RIPOR1: variants seen among roughly 807,000 people sequenced by gnomAD.
RIPOR1 encodes the protein rho family-interacting cell polarization regulator 1.
In RIPOR1, 58 loss-of-function variants were observed where a neutral mutation model predicts 116.5. The ratio of observed to expected loss-of-function variants is 0.50; its 90% CI spans 0.40 to 0.62. The LOEUF (loss-of-function observed/expected upper bound fraction) is 0.62, where lower values mean the gene tolerates loss of function less well. Ranked by LOEUF, RIPOR1 falls within the 20% of genes least tolerant of loss-of-function variation. The pLI, the probability that RIPOR1 is intolerant of heterozygous loss-of-function variation, is 0.00. For synonymous variants in RIPOR1, 605 were observed against 650.0 expected, an observed-to-expected ratio of 0.93 and a Z score of 1.05; for missense variants, 1,372 against 1,586.2, an observed-to-expected ratio of 0.86 and a Z score of 2.29.
At position 67,541,099 on chromosome 16, in the gene RIPOR1, T is replaced by C. The variant is rs1597646141; in HGVS notation, c.802-331T>C. The stretch of plus-strand genomic sequence containing the variant: ...CTATCTAGGAGTTGGCGGGTCTCAC[T>C]CTGTCACCCAGGTTGGAGTGCAGCA... On this transcript the variant is annotated intron_variant, in intron 10 of 21. Coordinates refer to ENST00000042381, the MANE Select transcript of RIPOR1 (RefSeq NM_024519.4). The surrounding 1 kb of genome is among the most constrained non-coding windows in gnomAD (Gnocchi z 4.6). 6.6e-6 allele frequency among the ~76,000 whole-genome samples: 1 copy of C among 152,108 alleles called. No homozygotes were observed. Among genetic ancestry groups the C allele is most frequent in the East Asian group, 1.9e-4 (1 of 5,182 alleles).
intron 1 of RIPOR1, among the ~76,000 whole-genome samples, chr16:67,520,335 C>A (rs1296086405): frequency 6.7e-6 from 1 of 148,154 alleles, no homozygotes; most frequent in African/African-American, 2.5e-5. Context: ...GAGCTGAGAT[C>A]GCGCCACTGC....
At position 67,545,175 on chromosome 16, in the gene RIPOR1, G is replaced by A. The variant is rs555667059; in HGVS notation, c.3031+58G>A. The A allele has an allele frequency of 1.3e-5, 20 of 1,592,716 alleles. No homozygotes were observed. Among genetic ancestry groups the A allele is most frequent in the South Asian group, 1.1e-4 (10 of 90,712 alleles). On this transcript the variant is annotated intron_variant, in intron 17 of 21. Transcript: ENST00000042381. The surrounding 1 kb of genome is among the most constrained non-coding windows in gnomAD (Gnocchi z 4.8). The stretch of plus-strand genomic sequence containing the variant: ...TCAGATTCCCAGTGACAGGAAGCTC[G>A]GGGAAGCCAGGTCAGCCCACACAGA...
intron 2 of RIPOR1, 56 bp from the exon 3 acceptor site, chr16:67,538,616 A>C (rs780781753): frequency 2.5e-6 from 4 of 1,606,640 alleles, no homozygotes; most frequent in Non-Finnish European, 3.4e-6. Context: ...GGGGGTGCGT[A>C]GTGAGAGTCT....
upstream of RIPOR1, among the ~76,000 whole-genome samples, chr16:67,525,868 G>T (rs1467078525): frequency 6.6e-6 from 1 of 152,090 alleles, no homozygotes; most frequent in Non-Finnish European, 1.5e-5. Context: ...CCAACGATGT[G>T]ACAGTTTCTA....
At chr16:67,536,930 G>A (rs1022745701) in intron 1 of RIPOR1, among the ~76,000 whole-genome samples, 1 of 152,128 alleles carries the variant, frequency 6.6e-6, no homozygotes. Flanking sequence ...CCTTAGCACT[G>A]CTCAACAGCC....
Position 67,540,252 on chromosome 16 carries a change from C to T in RIPOR1, c.567+47C>T, listed in dbSNP as rs749827570. On this transcript the variant is annotated intron_variant, in intron 7 of 21. Coordinates refer to ENST00000042381, the MANE Select transcript of RIPOR1 (RefSeq NM_024519.4). This position sits in a 1 kb window ranked among gnomAD's most constrained non-coding sequence, Gnocchi z 4.7. ...GGCAGAGGCACAGGGTGTGGCAGGG[C>T]TAGTGGCTGGCCCTTGACCCCCTCC... The T allele has an allele frequency of 1.9e-6, 3 of 1,613,530 alleles. No homozygotes were observed. The highest frequency in any genetic ancestry group is 2.5e-6 in the Non-Finnish European group (3 of 1,179,734).
In RIPOR1 at chr16:67,542,177, C is replaced by T. The variant is rs1032234970; in HGVS notation, c.1391C>T (p.Ser464Leu). ...ASVDAALAEA[S>L]VEAVGPESLA... is the part of the protein sequence containing the mutation. ...GTAGATGCTGCCTTGGCTGAGGCTT[C>T]AGTGGAGGCCGTTGGCCCAGAAAGC... The change falls in exon 13 of 22, where the codon TCA (serine) becomes TTA (leucine). Residue 464 changes from serine to leucine, a missense_variant. Transcript: ENST00000042381. The surrounding 1 kb of genome is among the most constrained non-coding windows in gnomAD (Gnocchi z 4.6). The T allele has an allele frequency of 6.2e-7, 1 of 1,613,608 alleles. No individual in the cohort carries two copies. Among genetic ancestry groups the T allele is most frequent in the Non-Finnish European group, 8.5e-7 (1 of 1,179,766 alleles).
In RIPOR1 at chr16:67,542,298, C is replaced by T; in HGVS notation, c.1512C>T (p.Ala504=). 1 of 1,613,970 alleles carries T rather than the reference C, an allele frequency of 6.2e-7. No homozygotes were observed. ...VPPALDPGHS[A]TSSTLGTTGS... is the part of the protein sequence containing the mutation. ...CTGCCCTGGACCCTGGCCACTCTGC[C>T]ACAAGCTCTACCCTCGGTACAACAG... The change falls in exon 13 of 22, where the codon GCC becomes GCT. Residue 504 remains alanine (A), a synonymous_variant. Transcript: ENST00000042381. The surrounding 1 kb of genome is among the most constrained non-coding windows in gnomAD (Gnocchi z 4.6).
chr16:67,526,339 G>A (rs1204377754), upstream of RIPOR1, among the ~76,000 whole-genome samples: 1 of 152,164 alleles, frequency 6.6e-6, no homozygotes, highest in Admixed American at 6.5e-5. Flanking sequence ...AGATCACAGG[G>A]GCCGCAGAAT....
At chr16:67,519,188 G>A (rs186622230) in intron 1 of RIPOR1, among the ~76,000 whole-genome samples, 3 of 151,978 alleles carry the variant, frequency 2.0e-5, no homozygotes, top group Non-Finnish European at 4.4e-5. Flanking sequence ...TCTGAGGCAT[G>A]AGAATTGCTT....
chr16:67,528,127 G>A (rs1482547861), upstream of RIPOR1, among the ~76,000 whole-genome samples: 1 of 152,120 alleles, frequency 6.6e-6, no homozygotes, highest in Non-Finnish European at 1.5e-5. Flanking sequence ...CCAACATGGG[G>A]TCGACTCTCA....
rs1400981654 is a variant in RIPOR1, at chr16:67,537,671, AGT to A, written c.-23-746_-23-745del. 9 of 1,081,096 alleles carry A rather than the reference AGT, an allele frequency of 8.3e-6. No homozygotes were observed. The highest frequency in any genetic ancestry group is 3.3e-5 in the African/African-American group (2 of 60,394). The allele number at this position is 1,081,096 out of a possible 1,614,324, so 67.0% of individuals were successfully genotyped here. On this transcript the variant is annotated intron_variant, in intron 1 of 21. Coordinates refer to ENST00000042381, the MANE Select transcript of RIPOR1 (RefSeq NM_024519.4). The surrounding 1 kb of genome is among the most constrained non-coding windows in gnomAD (Gnocchi z 4.6). The stretch of plus-strand genomic sequence containing the variant: ...AAGCAGGCCGGGTTTGGGGGCCAGG[AGT>A]GTGTGTTTCGCCGAAGCGGGGTGGG...
chr16:67,542,189 T>C lies in RIPOR1; in HGVS notation c.1403T>C (p.Val468Ala). 5 of 1,613,902 alleles carry C rather than the reference T, an allele frequency of 3.1e-6. No individual in the cohort carries two copies. The highest frequency in any genetic ancestry group is 4.2e-6 in the Non-Finnish European group (5 of 1,179,882). Residue 468 changes from valine to alanine, a missense_variant, in exon 13 of 22, where the codon GTT becomes GCT. This residue lies in a region of RIPOR1 where 1,005 missense variants were observed against 1,144.7 expected (regional missense o/e 0.88). Coordinates refer to ENST00000042381, the MANE Select transcript of RIPOR1 (RefSeq NM_024519.4). This position sits in a 1 kb window ranked among gnomAD's most constrained non-coding sequence, Gnocchi z 4.6. ...TTGGCTGAGGCTTCAGTGGAGGCCG[T>C]TGGCCCAGAAAGCCTAGCCTGGGGA... Reference protein sequence around the residue: ...AALAEASVEAVGPESLAWGPS... With the variant: ...AALAEASVEAAGPESLAWGPS...
In RIPOR1 at chr16:67,543,230, A is replaced by G. The variant is rs1597653083; in HGVS notation, c.2444A>G (p.Glu815Gly). 1 of 1,583,254 alleles carries G rather than the reference A, an allele frequency of 6.3e-7. No individual in the cohort carries two copies. Among genetic ancestry groups the G allele is most frequent in the South Asian group, 1.2e-5 (1 of 86,208 alleles). ...RGQFPELQGL[E>G]QEVTRLESLL... ...CAGTTTCCTGAGCTGCAGGGCCTGG[A>G]GCAGGAGGTGACCCGCCTAGAAAGT... is the stretch of plus-strand genomic sequence containing the variant. The change falls in exon 13 of 22, where the codon GAG becomes GGG. Residue 815 changes from glutamate (E) to glycine (G), a missense_variant. Glu to Gly is a moderately conservative substitution (Grantham distance 98). Around this residue, in one of 3 missense-constraint regions of RIPOR1, gnomAD observed 1,005 missense variants for 1,144.7 expected, o/e 0.88. Coordinates refer to ENST00000042381, the MANE Select transcript of RIPOR1 (RefSeq NM_024519.4). The surrounding 1 kb of genome is among the most constrained non-coding windows in gnomAD (Gnocchi z 4.7).
At position 67,540,529 on chromosome 16, in the gene RIPOR1, G is replaced by A. The variant is rs1341664379; in HGVS notation, c.675+28G>A. On this transcript the variant is annotated intron_variant, in intron 9 of 21. Coordinates refer to ENST00000042381, the MANE Select transcript of RIPOR1 (RefSeq NM_024519.4). This position sits in a 1 kb window ranked among gnomAD's most constrained non-coding sequence, Gnocchi z 4.7. ...ATGAGAATGTGCAGGGAAGGGCTGG[G>A]TCGGTAGGGTCCCAACACCTAGGCT... is the stretch of plus-strand genomic sequence containing the variant. 1.2e-6 allele frequency: 2 copies of A among 1,614,148 alleles called. No homozygotes were observed. Among genetic ancestry groups the A allele is most frequent in the South Asian group, 2.2e-5 (2 of 91,086 alleles).
Position 67,541,780 on chromosome 16 carries a change from T to C in RIPOR1, c.1078T>C (p.Tyr360His), listed in dbSNP as rs747368259. Residue 360 changes from tyrosine (Y) to histidine (H), a missense_variant and splice_region_variant, in exon 12 of 22, where the codon TAT becomes CAT. Tyr to His is a moderately conservative substitution (Grantham distance 83). Transcript: ENST00000042381. This position sits in a 1 kb window ranked among gnomAD's most constrained non-coding sequence, Gnocchi z 4.6. ...DTPSLREQAF[Y>H]NMLRRQEELE... ...ACCCTCACTTCGGGAACAGGCTTTCTATGTGAGTCATAGCCCAGGTCCAGG... is the reference window on the plus strand; with the variant it reads ...ACCCTCACTTCGGGAACAGGCTTTCCATGTGAGTCATAGCCCAGGTCCAGG... 1 of 1,614,084 alleles carries C rather than the reference T, an allele frequency of 6.2e-7. No individual in the cohort carries two copies. The highest frequency in any genetic ancestry group is 8.5e-7 in the Non-Finnish European group (1 of 1,179,978).
chr16:67,539,770 G>A lies in RIPOR1; in HGVS notation c.360+19G>A, dbSNP rs1241932701. The A allele has an allele frequency of 2.5e-6, 4 of 1,614,192 alleles. No homozygotes were observed. In the South Asian group the frequency reaches 3.3e-5, roughly 13 times the overall value. ...GGACAAGGTGAGTATGCATGGAATG[G>A]TACTGGAAGGGGTTGGCTCACAGGG... On this transcript the variant is annotated intron_variant, in intron 5 of 21. Transcript: ENST00000042381.
At position 67,529,752 on chromosome 16, in the gene RIPOR1, C is replaced by A; in HGVS notation, c.-24+838C>A. ...AGCCTCGTGTAACAATACTTGTGCC[C>A]TGGCTGCAGTCTGCGGGGCCGCGCC... On this transcript the variant is annotated intron_variant, in intron 1 of 21. Transcript: ENST00000042381. The surrounding 1 kb of genome is among the most constrained non-coding windows in gnomAD (Gnocchi z 4.1). 6.5e-7 allele frequency: 1 copy of A among 1,534,332 alleles called. No homozygotes were observed. The highest frequency in any genetic ancestry group is 1.2e-5 in the South Asian group (1 of 83,962).
At position 67,545,368 on chromosome 16, in the gene RIPOR1, T is replaced by G; in HGVS notation, c.3032-8T>G. 1 of 1,613,442 alleles carries G rather than the reference T, an allele frequency of 6.2e-7. No homozygotes were observed. The highest frequency in any genetic ancestry group is 8.5e-7 in the Non-Finnish European group (1 of 1,179,734). ...AAACTCTGAGGCCCATGCTACTGCC[T>G]CCTGCAGTGTGTGTGAAGTTCCTGG... On this transcript the variant is annotated splice_region_variant and splice_polypyrimidine_tract_variant and intron_variant, in intron 17 of 21. Transcript: ENST00000042381. This position sits in a 1 kb window ranked among gnomAD's most constrained non-coding sequence, Gnocchi z 4.8.
Sources: gnomAD v4.1 joint callset for allele counts (sites outside exome capture counted in the v4.1 genomes callset) on GRCh38, gnomAD v4.1.1 for gene constraint, gnomAD v4.1.1 regional missense constraint, Gnocchi (gnomAD v3.1) non-coding constraint, MANE v1.5 for transcripts, NCBI Gene and HGNC (gene_info 2026-07-23, HGNC 2026-07-21) for gene names.